The following MS4A4E variants were observed in gnomAD, a reference collection of about 807,000 sequenced individuals.
MS4A4E encodes the protein putative membrane-spanning 4-domains subfamily A member 4E.
In MS4A4E, 23 loss-of-function variants were observed where a neutral mutation model predicts 13.3. The observed-to-expected ratio is 1.73, with a 90% confidence interval of 1.25 to 2.45. The LOEUF (loss-of-function observed/expected upper bound fraction) is 2.45. MS4A4E is among the 30% of genes most tolerant of loss of function. The pLI, the probability that MS4A4E is intolerant of heterozygous loss-of-function variation, is 0.00. For synonymous variants in MS4A4E, 36 were observed against 45.6 expected (o/e 0.79, Z 0.85); for missense variants, 144 against 131.2 (o/e 1.10, Z -0.48).
intron 3 of MS4A4E, among the ~76,000 whole-genome samples, chr11:60,218,991 A>C (rs569286052): frequency 1.3e-5 from 2 of 152,286 alleles, no homozygotes; most frequent in East Asian, 3.9e-4. Flanking sequence ...GGTTAGCTGA[A>C]ATATGGATTA....
At position 60,201,374 on chromosome 11, in the gene MS4A4E, G is replaced by C. The variant is rs1341052304; in HGVS notation, c.*169C>G. 5.4e-6 allele frequency: 1 copy of C among 185,680 alleles called. No homozygotes were observed. The highest frequency in any genetic ancestry group is 1.8e-4 in the East Asian group (1 of 5,662). The allele number at this position is 185,680 out of a possible 1,614,324, so 11.5% of individuals were successfully genotyped here. A position where few individuals can be genotyped will look rare whatever the true frequency, so the allele number is the denominator to read the frequency against. ...CCAGACGGGGTGGCTGCCGGGCGGA[G>C]GGGCTCCTCACTTCTCAGACGGGGC... On this transcript the variant is annotated 3_prime_UTR_variant, in exon 9 of 9. Transcript: ENST00000651255.
intron 1 of MS4A4E, among the ~76,000 whole-genome samples, chr11:60,239,091 A>G (rs1265490343): frequency 2.6e-5 from 4 of 152,266 alleles, no homozygotes; most frequent in Non-Finnish European, 5.9e-5. Context: ...TGCAAATAAA[A>G]GAGTTCTTCT....
chr11:60,208,178 T>C (rs1194687733), intron 6 of MS4A4E, among the ~76,000 whole-genome samples: 2 of 152,160 alleles, frequency 1.3e-5, no homozygotes, highest in African/African-American at 2.4e-5. Context: ...GTCCCGTATG[T>C]AGGACTGATT....
chr11:60,225,896 T>C (rs2084335244), intron 3 of MS4A4E, among the ~76,000 whole-genome samples: 1 of 150,332 alleles, frequency 6.7e-6, no homozygotes, highest in African/African-American at 2.4e-5. Flanking sequence ...AATACATAAA[T>C]AAAATCAATA....
intron 8 of MS4A4E, among the ~76,000 whole-genome samples, chr11:60,203,810 C>T (rs1215192889): frequency 6.6e-6 from 1 of 152,072 alleles, no homozygotes; most frequent in Non-Finnish European, 1.5e-5. Context: ...CAAAAGAAGG[C>T]AAAGTTTTCA....
At chr11:60,213,566 G>T (rs968631893) in intron 4 of MS4A4E, among the ~76,000 whole-genome samples, 11 of 152,240 alleles carry the variant, frequency 7.2e-5, no homozygotes, top group Middle Eastern at 3.4e-3. Flanking sequence ...AAGGTAAGGA[G>T]GCTTTTTATA....
Position 60,214,421 on chromosome 11 carries a change from C to T in MS4A4E, c.222+150G>A, listed in dbSNP as rs368577499. ...TCAGTAATTCTATCATTAGCCTTATCGTAATTTTTGAGACAGATCCTGCTA... is the reference window on the plus strand; with the variant it reads ...TCAGTAATTCTATCATTAGCCTTATTGTAATTTTTGAGACAGATCCTGCTA... On this transcript the variant is annotated intron_variant, in intron 4 of 8. Transcript: ENST00000651255. 4.4e-5 allele frequency: 20 copies of T among 450,616 alleles called. No homozygotes were observed. In the East Asian group the frequency reaches 5.6e-4, roughly 13 times the overall value. The allele number at this position is 450,616 out of a possible 1,614,324, so 27.9% of individuals were successfully genotyped here.
chr11:60,228,336 T>G (rs1299112545), intron 3 of MS4A4E, among the ~76,000 whole-genome samples: 2 of 152,026 alleles, frequency 1.3e-5, no homozygotes, highest in African/African-American at 4.8e-5. Context: ...AATAAACATA[T>G]AAAAAGATGC....
intron 1 of MS4A4E, among the ~76,000 whole-genome samples, chr11:60,234,585 C>T (rs1565129196): frequency 6.8e-6 from 1 of 147,060 alleles, no homozygotes; most frequent in South Asian, 2.1e-4. Context: ...CATCTTTTTC[C>T]ATGGGATCAC....
intron 3 of MS4A4E, among the ~76,000 whole-genome samples, chr11:60,228,387 T>C (rs1346065860): frequency 2.0e-5 from 3 of 152,306 alleles, no homozygotes; most frequent in East Asian, 1.9e-4. Flanking sequence ...ATTAAAATGG[T>C]AATGAGATTG....
chr11:60,224,908 G>C, intron 3 of MS4A4E: 3 of 1,325,094 alleles, frequency 2.3e-6, no homozygotes, highest in Non-Finnish European at 2.9e-6. Context: ...GCAAAGATCA[G>C]GGTATTTACA....
chr11:60,203,144 A>C (rs2084005605), intron 8 of MS4A4E, among the ~76,000 whole-genome samples: 2 of 152,204 alleles, frequency 1.3e-5, no homozygotes, highest in Admixed American at 1.3e-4. Context: ...ATAACTGCTT[A>C]TGTGCTCAAA....
In MS4A4E at chr11:60,209,886, T is replaced by C. The variant is rs148006774; in HGVS notation, c.382-1192A>G. Among the ~76,000 whole-genome samples the C allele has an allele frequency of 1.8e-3, 269 of 152,346 alleles. 1 individual carries two copies. Among genetic ancestry groups the C allele is most frequent in the African/African-American group, 6.3e-3 (263 of 41,572 alleles). On this transcript the variant is annotated intron_variant, in intron 5 of 8. Transcript: ENST00000651255. ...AGACTTAAGGAGACCTTGAGAATAT[T>C]TGCATTCATTGCTTTTTTATTTTCT...
rs184351939 is a variant in MS4A4E, at chr11:60,229,967, T to C, written c.89A>G (p.Tyr30Cys). The change falls in exon 2 of 9, where the codon TAT becomes TGT. Residue 30 changes from tyrosine (Y) to cysteine (C), a missense_variant. Tyr to Cys is a radical substitution (Grantham distance 194). Coordinates refer to ENST00000651255, the MANE Select transcript of MS4A4E (RefSeq NM_001393391.1). ...CTTCTCTTGCAATCCTTTACACAGA[T>C]ATGAATGTATGACATCTATGTTTCC... ...QLGNIDVIHSYLCKGLQEKFF... is the reference protein window; with the variant it reads ...QLGNIDVIHSCLCKGLQEKFF... The C allele has an allele frequency of 4.0e-4, 643 of 1,613,690 alleles. 3 individuals are homozygous for C. The East Asian group carries it at 0.014, about 35-fold the overall frequency.
At chr11:60,234,938 AC>A (rs2134970103) in intron 1 of MS4A4E, among the ~76,000 whole-genome samples, 1 of 152,284 alleles carries the variant, frequency 6.6e-6, no homozygotes, top group South Asian at 2.1e-4. Context: ...TTAAGAAAAA[AC>A]ACAGGCTGAA....
chr11:60,214,569 A>C lies in MS4A4E; in HGVS notation c.222+2T>G. On this transcript the variant is annotated splice_donor_variant, in intron 4 of 8. Transcript: ENST00000651255. LOFTEE classifies it high-confidence loss of function. Reference sequence around the variant, plus strand: ...TGATACCCCCCACAAAACATTACTCACCAGACCTTTTGTTGTTCTAATTCC... The same window carrying C: ...TGATACCCCCCACAAAACATTACTCCCCAGACCTTTTGTTGTTCTAATTCC... 1 of 1,522,928 alleles carries C rather than the reference A, an allele frequency of 6.6e-7. No individual in the cohort carries two copies. Among genetic ancestry groups the C allele is most frequent in the Middle Eastern group, 1.7e-4 (1 of 5,958 alleles). The allele number at this position is 1,522,928 out of a possible 1,614,324, so 94.3% of individuals were successfully genotyped here.
rs185997441 is a variant in MS4A4E, at chr11:60,201,711, C to T, written c.828G>A (p.Pro276=). The T allele has an allele frequency of 1.9e-3, 464 of 241,896 alleles. 7 individuals carry two copies. Among genetic ancestry groups the T allele is most frequent in the South Asian group, 0.01 (286 of 28,514 alleles). The allele number at this position is 241,896 out of a possible 1,614,324, so 15.0% of individuals were successfully genotyped here. A position where few individuals can be genotyped will look rare whatever the true frequency, so the allele number is the denominator to read the frequency against. Residue 276 remains proline (P), a synonymous_variant, in exon 9 of 9, where the codon CCG becomes CCA. Coordinates refer to ENST00000651255, the MANE Select transcript of MS4A4E (RefSeq NM_001393391.1). ...GGCTCCTCACGTCCCAGACGATAGG[C>T]GGCCAGGCAGAGACGCTCCTCACTT... The part of the protein sequence containing the change: ...VWEVRSVSAW[P]PIVWDVRSPS...
intron 3 of MS4A4E, among the ~76,000 whole-genome samples, chr11:60,226,971 C>T (rs965586951): frequency 1.3e-5 from 2 of 152,120 alleles, no homozygotes; most frequent in Admixed American, 6.5e-5. Context: ...GAGTCAATTA[C>T]TTTCTTATGT....
chr11:60,219,035 C>G (rs1255506733), intron 3 of MS4A4E, among the ~76,000 whole-genome samples: 1 of 152,136 alleles, frequency 6.6e-6, no homozygotes, highest in East Asian at 1.9e-4. Flanking sequence ...CTGAAAATGC[C>G]TGATCTCCTT....
Sources: gnomAD v4.1 joint callset for allele counts (sites outside exome capture counted in the v4.1 genomes callset) on GRCh38, gnomAD v4.1.1 for gene constraint, MANE v1.5 for transcripts, NCBI Gene and HGNC (gene_info 2026-07-23, HGNC 2026-07-21) for gene names.